The following MRTFB variants were observed in gnomAD, a reference collection of about 807,000 sequenced individuals.
MRTFB encodes the protein myocardin-related transcription factor B.
In MRTFB, 29 loss-of-function variants were observed where a neutral mutation model predicts 104.2. The observed-to-expected ratio is 0.28, with a 90% CI of 0.21 to 0.38. MRTFB has a LOEUF of 0.38. MRTFB is among the 10% of genes least tolerant of loss of function. MRTFB has a pLI of 1.00. For missense variants in MRTFB, 1,270 were observed against 1,341.6 expected (o/e 0.95, Z 0.83); for synonymous variants, 535 against 519.5 (o/e 1.03, Z -0.41).
At chr16:14,128,028 T>C (rs2037247964) in intron 2 of MRTFB, among the ~76,000 whole-genome samples, 1 of 150,162 alleles carries the variant, frequency 6.7e-6, no homozygotes, top group Admixed American at 6.7e-5. Context: ...AGTAAGTTTA[T>C]TACTGTGACT....
chr16:14,151,625 G>A (rs2038619438), intron 3 of MRTFB: 1 of 152,116 alleles, frequency 6.6e-6, no homozygotes, highest in Admixed American at 6.5e-5. Context: ...ATGACATTCA[G>A]TTTCTTAATG....
chr16:14,035,918 G>C, the MRTFB span, among the ~76,000 whole-genome samples: 1 of 151,164 alleles, frequency 6.6e-6, no homozygotes. Flanking sequence ...CCACTGTGTC[G>C]TTCTTATGCC....
Position 14,142,900 on chromosome 16 carries a change from A to C in MRTFB, c.154+2140A>C, listed in dbSNP as rs535116648. ...TCTAAGGAAATAGATTAAATGGTAAAATTTTAAATTTATTAATGTAGTTAC... is the reference window on the plus strand; with the variant it reads ...TCTAAGGAAATAGATTAAATGGTAACATTTTAAATTTATTAATGTAGTTAC... On this transcript the variant is annotated intron_variant, in intron 3 of 16. Transcript: ENST00000571589. 3 of 152,260 alleles carry C rather than the reference A, an allele frequency of 2.0e-5. No individual in the cohort carries two copies. The East Asian group carries it at 5.8e-4, about 29-fold the overall frequency. 9.4% of individuals were successfully genotyped at this position (152,260 alleles called of 1,614,324 possible).
chr16:14,086,227 C>G (rs550052322), intron 2 of MRTFB, among the ~76,000 whole-genome samples: 1 of 152,234 alleles, frequency 6.6e-6, no homozygotes, highest in Admixed American at 6.5e-5. Context: ...CTTTCTGACT[C>G]CTAACCAATT....
rs147820288 is a variant in MRTFB at position 14,085,792 on chromosome 16, C to T, written c.-64+6438C>T. Among the ~76,000 whole-genome samples the T allele has an allele frequency of 5.3e-3, 804 of 152,288 alleles. 8 individuals are homozygous for T. The highest frequency in any genetic ancestry group is 0.018 in the African/African-American group (750 of 41,560). On this transcript the variant is annotated intron_variant, in intron 2 of 16. Coordinates refer to ENST00000571589, the MANE Select transcript of MRTFB (RefSeq NM_001308142.2). Reference sequence around the variant, plus strand: ...AAAACTAGCATCTGTGATTTTTATACGTACCTAAATCTAAACATAGACAAT... The same window carrying T: ...AAAACTAGCATCTGTGATTTTTATATGTACCTAAATCTAAACATAGACAAT...
At chr16:14,084,881 T>C (rs1474395677) in intron 2 of MRTFB, among the ~76,000 whole-genome samples, 1 of 152,184 alleles carries the variant, frequency 6.6e-6, no homozygotes, top group African/African-American at 2.4e-5. Context: ...GTTTGTTCTT[T>C]AACTTAATAA....
the MRTFB span, among the ~76,000 whole-genome samples, chr16:14,061,529 G>C: frequency 6.9e-6 from 1 of 144,500 alleles, no homozygotes; most frequent in African/African-American, 2.5e-5. Context: ...AGCAGGATTT[G>C]AGGTCTTTTT....
the MRTFB span, among the ~76,000 whole-genome samples, chr16:13,998,871 CAAAAAAAAAAAAAAAAAAAAAAAAAAAA>C: frequency 1.7e-4 from 5 of 29,688 alleles, no homozygotes; most frequent in Admixed American, 1.0e-3. Flanking sequence ...GACTCTGTTT[CAAAAAAAAAAAAAAAAAAAAAAAAAAAA>C]AAAAAAAAAA....
intron 8 of MRTFB, among the ~76,000 whole-genome samples, chr16:14,232,976 G>C (rs552118830): frequency 6.6e-6 from 1 of 152,314 alleles, no homozygotes; most frequent in African/African-American, 2.4e-5. Flanking sequence ...CTTAAGATAA[G>C]GGTGGTGTAA....
chr16:14,189,468 C>T (rs867111154), intron 3 of MRTFB, among the ~76,000 whole-genome samples: 2 of 152,100 alleles, frequency 1.3e-5, no homozygotes, highest in Non-Finnish European at 2.9e-5. Flanking sequence ...ATGTTTTACT[C>T]TAAAATACCC....
At chr16:14,258,058 G>T (rs182925707) in intron 15 of MRTFB, 43 bp from the exon 16 acceptor site, 1,765 of 1,540,300 alleles carry the variant, frequency 1.1e-3, no homozygotes, top group Non-Finnish European at 1.5e-3. Context: ...ATGCTTCCAG[G>T]TTTGTATGAA....
At chr16:14,159,922 T>G (rs1215289348) in intron 3 of MRTFB, among the ~76,000 whole-genome samples, 1 of 93,162 alleles carries the variant, frequency 1.1e-5, no homozygotes, top group Non-Finnish European at 1.9e-5. Context: ...AGAGCGAGAC[T>G]CCGTCTCAAA....
chr16:14,184,407 G>A (rs13333657), intron 3 of MRTFB, among the ~76,000 whole-genome samples: 3 of 152,072 alleles, frequency 2.0e-5, no homozygotes, highest in Non-Finnish European at 4.4e-5. Context: ...ATCTTTAGTA[G>A]AGATGGGGTT....
At chr16:14,050,164 G>GACACAC in the MRTFB span, among the ~76,000 whole-genome samples, 352 of 149,922 alleles carry the variant, frequency 2.3e-3, 1 homozygote, top group African/African-American at 8.1e-3. Context: ...CAGACAGACA[G>GACACAC]ACACACACAC....
chr16:14,220,696 G>C (rs924834201), intron 8 of MRTFB, among the ~76,000 whole-genome samples: 5 of 152,218 alleles, frequency 3.3e-5, no homozygotes, highest in African/African-American at 1.2e-4. Flanking sequence ...CTGAATTTAA[G>C]CATTAGTTTT....
chr16:14,243,287 A>G (rs1475723381), intron 10 of MRTFB, among the ~76,000 whole-genome samples: 1 of 152,256 alleles, frequency 6.6e-6, no homozygotes. Context: ...AGACCCCAAA[A>G]TGAATGTCAA....
rs767188206 is a variant in MRTFB, at chr16:14,245,677, G to A, written c.1212+17G>A. On this transcript the variant is annotated intron_variant, in intron 11 of 16. Transcript: ENST00000571589. ...GACTTAAAGGTGACAATTGCAACTG[G>A]AGCTTATTCACCCCTAAGTACCACA... is the stretch of plus-strand genomic sequence containing the variant. The A allele has an allele frequency of 3.1e-6, 5 of 1,603,524 alleles. No individual in the cohort carries two copies. The highest frequency in any genetic ancestry group is 2.2e-5 in the East Asian group (1 of 44,758).
chr16:14,161,085 CTTTTTTTTTTTTTTT>C (rs57360069), intron 3 of MRTFB, among the ~76,000 whole-genome samples: 2 of 53,130 alleles, frequency 3.8e-5, no homozygotes, highest in African/African-American at 1.9e-4. Flanking sequence ...AATGCCAGGA[CTTTTTTTTTTTTTTT>C]TTTTTTTTTT....
At chr16:14,249,954 C>T (rs1282488584) in intron 13 of MRTFB, among the ~76,000 whole-genome samples, 1 of 152,172 alleles carries the variant, frequency 6.6e-6, no homozygotes, top group East Asian at 1.9e-4. Flanking sequence ...AGAATCTCCT[C>T]TGCGAGAGGA....
Sources: allele counts gnomAD v4.1 joint callset (sites outside exome capture counted in the v4.1 genomes callset), GRCh38; gene constraint gnomAD v4.1.1; transcripts MANE v1.5; gene names NCBI Gene and HGNC (gene_info 2026-07-23, HGNC 2026-07-21).